Variants in RAB7A observed in about 807,000 individuals in gnomAD.
RAB7A encodes the protein RAB7A, member RAS oncogene family.
RAB7A carries 2 observed loss-of-function variants against 24.5 expected under a neutral mutation model. The ratio of observed to expected loss-of-function variants is 0.08; its 90% CI spans 0.03 to 0.26. RAB7A has a LOEUF of 0.26. RAB7A is among the 10% of genes least tolerant of loss of function. The pLI is 1.00. For missense variants in RAB7A, 118 were observed against 255.7 expected (o/e 0.46, Z 3.67); for synonymous variants, 100 against 95.9 (o/e 1.04, Z -0.25).
At chr3:128,813,298 A>G in intron 5 of RAB7A, 29 bp from the exon 6 acceptor site, 1 of 1,597,550 alleles carries the variant, frequency 6.3e-7, no homozygotes, top group South Asian at 1.1e-5. Context: ...TTCCCTGAGT[A>G]ACCAACCTTT....
intron 1 of RAB7A, among the ~76,000 whole-genome samples, chr3:128,738,867 A>T (rs1380751050): frequency 6.6e-6 from 1 of 152,238 alleles, no homozygotes; most frequent in Non-Finnish European, 1.5e-5. Context: ...CATTGTTTGA[A>T]ATCAGTGTGT....
intron 1 of RAB7A, among the ~76,000 whole-genome samples, chr3:128,765,519 T>G (rs983579147): frequency 3.3e-5 from 5 of 152,222 alleles, no homozygotes; most frequent in African/African-American, 7.2e-5. Flanking sequence ...GACTGGATAA[T>G]TTATAAACAA....
chr3:128,791,519 T>C (rs544590574), intron 1 of RAB7A, among the ~76,000 whole-genome samples: 2 of 152,314 alleles, frequency 1.3e-5, no homozygotes, highest in South Asian at 2.1e-4. Context: ...TTTCCTTGCA[T>C]GAGAATTTGA....
At chr3:128,770,735 CAAATG>C (rs1475868622) in intron 1 of RAB7A, among the ~76,000 whole-genome samples, 1 of 152,058 alleles carries the variant, frequency 6.6e-6, no homozygotes, top group Non-Finnish European at 1.5e-5. Context: ...TTTCTGCTGT[CAAATG>C]AATATATAAA....
At chr3:128,804,559 T>C (rs1468148398) in intron 3 of RAB7A, among the ~76,000 whole-genome samples, 1 of 152,216 alleles carries the variant, frequency 6.6e-6, no homozygotes, top group Non-Finnish European at 1.5e-5. Flanking sequence ...ACTGTACTTG[T>C]TGATGTTTTG....
intron 1 of RAB7A, among the ~76,000 whole-genome samples, chr3:128,740,627 C>T (rs1363936705): frequency 6.6e-6 from 1 of 151,702 alleles, no homozygotes; most frequent in Non-Finnish European, 1.5e-5. Flanking sequence ...CCTGGTGGGT[C>T]ACTCATGCCT....
chr3:128,795,522 A>G (rs973638646), intron 2 of RAB7A, 102 bp downstream of exon 2: 64 of 1,054,700 alleles, frequency 6.1e-5, no homozygotes, highest in Non-Finnish European at 9.5e-5. Context: ...TTTCATAGTG[A>G]GGCTTAGGGC....
intron 1 of RAB7A, among the ~76,000 whole-genome samples, chr3:128,733,892 C>T (rs565469653): frequency 3.3e-5 from 5 of 152,294 alleles, no homozygotes; most frequent in East Asian, 3.9e-4. Flanking sequence ...GTTGTACCAG[C>T]GTATTCTTCC....
intron 5 of RAB7A, among the ~76,000 whole-genome samples, chr3:128,809,838 G>A (rs1279158253): frequency 6.6e-6 from 1 of 150,652 alleles, no homozygotes; most frequent in Non-Finnish European, 1.5e-5. Context: ...TCTGTTTCTG[G>A]TCTCTCCAGT....
In RAB7A at chr3:128,798,129, T is replaced by C. The variant is rs1392517687; in HGVS notation, c.180+60T>C. 7 of 1,582,368 alleles carry C rather than the reference T, an allele frequency of 4.4e-6. No individual in the cohort carries two copies. In the South Asian group the frequency reaches 4.4e-5, roughly 10 times the overall value. The stretch of plus-strand genomic sequence containing the variant: ...TGATAGTTCATTTAGTCTTAATCTT[T>C]CCTCATGCATAGACATTTTCCTTCC... On this transcript the variant is annotated intron_variant, in intron 3 of 5. Transcript: ENST00000265062.
chr3:128,758,216 A>G (rs1273474639), intron 1 of RAB7A, among the ~76,000 whole-genome samples: 1 of 149,722 alleles, frequency 6.7e-6, no homozygotes, highest in Non-Finnish European at 1.5e-5. Flanking sequence ...TTCCTGCCCT[A>G]GCCTGTCAAA....
chr3:128,773,041 C>T (rs958127339), intron 1 of RAB7A, among the ~76,000 whole-genome samples: 1 of 152,194 alleles, frequency 6.6e-6, no homozygotes, highest in Non-Finnish European at 1.5e-5. Context: ...GCGTCTCTGC[C>T]TGGCTGCCCA....
chr3:128,804,220 G>T (rs1408682782), intron 3 of RAB7A, among the ~76,000 whole-genome samples: 1 of 151,176 alleles, frequency 6.6e-6, no homozygotes, highest in Non-Finnish European at 1.5e-5. Flanking sequence ...GATTTAACCT[G>T]CTAGTGCTAC....
chr3:128,748,085 A>T (rs758346057), intron 1 of RAB7A, among the ~76,000 whole-genome samples: 1 of 152,160 alleles, frequency 6.6e-6, no homozygotes, highest in Non-Finnish European at 1.5e-5. Context: ...TGTTCTTAAG[A>T]TGAAGTTTGA....
intron 1 of RAB7A, among the ~76,000 whole-genome samples, chr3:128,760,311 C>T (rs879944999): frequency 9.9e-5 from 15 of 152,176 alleles, no homozygotes; most frequent in Non-Finnish European, 2.2e-4. Flanking sequence ...GATTCTCAGA[C>T]CTCCCAACTG....
At chr3:128,791,582 AT>A (rs1344474328) in intron 1 of RAB7A, among the ~76,000 whole-genome samples, 1 of 152,224 alleles carries the variant, frequency 6.6e-6, no homozygotes, top group Non-Finnish European at 1.5e-5. Flanking sequence ...AAGGCAGAAC[AT>A]AACATTTGTT....
intron 1 of RAB7A, among the ~76,000 whole-genome samples, chr3:128,746,614 C>T (rs1298302112): frequency 2.0e-5 from 3 of 151,894 alleles, no homozygotes; most frequent in Admixed American, 6.6e-5. Context: ...CTGCAAGCTC[C>T]GCCTCCCAGG....
chr3:128,747,308 C>T (rs960564403), intron 1 of RAB7A, among the ~76,000 whole-genome samples: 2 of 148,522 alleles, frequency 1.3e-5, no homozygotes, highest in African/African-American at 5.0e-5. Context: ...AATAATCGGC[C>T]GGGCGCAGTG....
intron 1 of RAB7A, among the ~76,000 whole-genome samples, chr3:128,781,151 A>G (rs1933210517): frequency 6.6e-6 from 1 of 152,232 alleles, no homozygotes; most frequent in Non-Finnish European, 1.5e-5. Context: ...ATTGACATGG[A>G]TACAGCAAAA....
Sources: allele counts gnomAD v4.1 joint callset (sites outside exome capture counted in the v4.1 genomes callset), GRCh38; gene constraint gnomAD v4.1.1; transcripts MANE v1.5; gene names NCBI Gene and HGNC (gene_info 2026-07-23, HGNC 2026-07-21).